The following TYW1B variants were observed in gnomAD, a reference collection of about 807,000 sequenced individuals.
The protein encoded by TYW1B is tRNA-yW synthesizing protein 1 homolog B.
TYW1B carries 73 observed loss-of-function variants against 86.9 expected under a neutral mutation model. The ratio of observed to expected loss-of-function variants is 0.84; its 90% confidence interval spans 0.70 to 1.02. The LOEUF (loss-of-function observed/expected upper bound fraction) is 1.02. TYW1B is among the 50% of genes least tolerant of loss of function. The pLI is 0.00. For missense variants in TYW1B, 637 were observed against 827.4 expected, an observed-to-expected ratio of 0.77 and a Z score of 2.82; for synonymous variants, 248 against 292.8, an observed-to-expected ratio of 0.85 and a Z score of 1.56.
intron 10 of TYW1B, among the ~76,000 whole-genome samples, chr7:72,708,939 AT>A (rs1413450689): frequency 1.3e-5 from 2 of 151,982 alleles, no homozygotes; most frequent in South Asian, 2.1e-4. Flanking sequence ...TGTTTTTGAA[AT>A]TTTTTCTAGA....
intron 13 of TYW1B, among the ~76,000 whole-genome samples, chr7:72,597,933 T>G (rs530172915): frequency 6.6e-6 from 1 of 152,176 alleles, no homozygotes; most frequent in South Asian, 2.1e-4. Context: ...GAATATTACC[T>G]TAAGTCCAAG....
intron 6 of TYW1B, among the ~76,000 whole-genome samples, chr7:72,791,517 C>T (rs1422261613): frequency 2.0e-5 from 3 of 152,172 alleles, no homozygotes; most frequent in Non-Finnish European, 4.4e-5. Flanking sequence ...GTGGCTCACG[C>T]CTGTAATCCC....
chr7:72,768,047 C>CA (rs1245609798), intron 7 of TYW1B, among the ~76,000 whole-genome samples: 1 of 152,006 alleles, frequency 6.6e-6, no homozygotes. Flanking sequence ...TCCAAGAGTT[C>CA]AAAACCAGCA....
At chr7:72,733,121 G>A (rs1787140366) in intron 8 of TYW1B, among the ~76,000 whole-genome samples, 3 of 150,488 alleles carry the variant, frequency 2.0e-5, no homozygotes, top group South Asian at 2.1e-4. Flanking sequence ...AAAAGTACAC[G>A]GCCAGATGGC....
chr7:72,654,643 G>C (rs1554443355), intron 11 of TYW1B, among the ~76,000 whole-genome samples: 1 of 152,222 alleles, frequency 6.6e-6, no homozygotes, highest in Admixed American at 6.5e-5. Flanking sequence ...TACTTTGGGA[G>C]GTTGAGGCGA....
In TYW1B at chr7:72,775,027, C is replaced by T. The variant is rs373585045; in HGVS notation, c.964+2389G>A. 2.7e-4 allele frequency among the ~76,000 whole-genome samples: 41 copies of T among 152,118 alleles called. 2 individuals carry two copies. Among genetic ancestry groups the T allele is most frequent in the Admixed American group, 2.3e-3 (35 of 15,260 alleles). ...AACTACAATGTCTAAGTTGAAAAAC[C>T]TATTATATAGGATTAATGGAAGATG... On this transcript the variant is annotated intron_variant, in intron 7 of 13. Coordinates refer to ENST00000620995, the MANE Select transcript of TYW1B (RefSeq NM_001145440.3).
chr7:72,705,335 A>G (rs1346463912), intron 10 of TYW1B, among the ~76,000 whole-genome samples: 1 of 152,228 alleles, frequency 6.6e-6, no homozygotes, highest in Non-Finnish European at 1.5e-5. Flanking sequence ...AAAAAACACA[A>G]AGCAAACAAA....
chr7:72,595,215 G>A (rs1380735191), intron 13 of TYW1B, among the ~76,000 whole-genome samples: 2 of 152,118 alleles, frequency 1.3e-5, no homozygotes, highest in African/African-American at 4.8e-5. Flanking sequence ...GTTTTTAAAT[G>A]ATATGATGTT....
At chr7:72,747,034 T>C (rs1170169060) in intron 7 of TYW1B, among the ~76,000 whole-genome samples, 6 of 152,220 alleles carry the variant, frequency 3.9e-5, no homozygotes, top group African/African-American at 1.4e-4. Flanking sequence ...TTTATTTTTT[T>C]CTGTTGGTTT....
At chr7:72,710,934 A>G (rs1456069656) in intron 10 of TYW1B, among the ~76,000 whole-genome samples, 5 of 152,198 alleles carry the variant, frequency 3.3e-5, no homozygotes, top group African/African-American at 4.8e-5. Flanking sequence ...TCTTTGACAG[A>G]GCAGGAGCAC....
At chr7:72,716,012 G>A (rs1786775248) in intron 9 of TYW1B, among the ~76,000 whole-genome samples, 1 of 152,136 alleles carries the variant, frequency 6.6e-6, no homozygotes, top group Admixed American at 6.6e-5. Flanking sequence ...CTCACTGCAA[G>A]CTCCACCTCC....
intron 13 of TYW1B, among the ~76,000 whole-genome samples, chr7:72,588,665 T>A (rs151056082): frequency 0.032 from 4,814 of 152,326 alleles, 129 homozygotes; most frequent in Middle Eastern, 0.054. Flanking sequence ...TTGGCTGTGC[T>A]GGGACAGGGA....
At chr7:72,698,283 T>C (rs189475515) in intron 10 of TYW1B, among the ~76,000 whole-genome samples, 1 of 152,276 alleles carries the variant, frequency 6.6e-6, no homozygotes, top group Admixed American at 6.5e-5. Flanking sequence ...AGTTGCTACT[T>C]ATGCCCATTT....
chr7:72,762,540 A>G (rs1787701736), intron 7 of TYW1B, among the ~76,000 whole-genome samples: 1 of 152,090 alleles, frequency 6.6e-6, no homozygotes, highest in African/African-American at 2.4e-5. Context: ...CCTTCAGTAT[A>G]ATTTGATTCT....
intron 13 of TYW1B, among the ~76,000 whole-genome samples, chr7:72,583,220 GC>G (rs1389311168): frequency 6.6e-6 from 1 of 151,952 alleles, no homozygotes; most frequent in Admixed American, 6.6e-5. Context: ...AAAACTGGCA[GC>G]CTCCTGCAGT....
intron 12 of TYW1B, among the ~76,000 whole-genome samples, chr7:72,626,681 A>C (rs1554438894): frequency 6.6e-6 from 1 of 152,036 alleles, no homozygotes; most frequent in African/African-American, 2.4e-5. Flanking sequence ...CGTACCTATA[A>C]CCTAGCAAAA....
At chr7:72,637,606 G>A (rs1554440948) in intron 11 of TYW1B, among the ~76,000 whole-genome samples, 1 of 149,242 alleles carries the variant, frequency 6.7e-6, no homozygotes. Context: ...CCTATTTTAT[G>A]GATATTTTTT....
At chr7:72,651,360 G>A (rs377322813) in intron 11 of TYW1B, among the ~76,000 whole-genome samples, 3 of 132,216 alleles carry the variant, frequency 2.3e-5, no homozygotes, top group African/African-American at 8.8e-5. Flanking sequence ...GATCACGCCT[G>A]TAATCCCAGC....
intron 6 of TYW1B, among the ~76,000 whole-genome samples, chr7:72,793,719 C>G (rs1212370478): frequency 2.7e-5 from 4 of 150,492 alleles, no homozygotes; most frequent in African/African-American, 9.8e-5. Flanking sequence ...CACACCACTG[C>G]ACTCCAGCCT....
Sources: allele counts gnomAD v4.1 joint callset (sites outside exome capture counted in the v4.1 genomes callset), GRCh38; gene constraint gnomAD v4.1.1; transcripts MANE v1.5; gene names NCBI Gene and HGNC (gene_info 2026-07-23, HGNC 2026-07-21).